The following SLC44A1 variants were observed in gnomAD, a reference collection of about 807,000 sequenced individuals.
The protein encoded by SLC44A1 is choline transporter-like protein 1.
In SLC44A1, 26 loss-of-function variants were observed where a neutral mutation model predicts 79.3. The observed-to-expected ratio is 0.33, with a 90% confidence interval of 0.24 to 0.46. SLC44A1 has a LOEUF of 0.46. Among genes scored for constraint, SLC44A1 ranks in the 20% least tolerant of loss-of-function variants. SLC44A1 has a pLI of 1.00. For missense variants in SLC44A1, 688 were observed against 798.1 expected (o/e 0.86, Z 1.66); for synonymous variants, 263 against 286.2 (o/e 0.92, Z 0.82).
chr9:105,260,832 T>C (rs1184639822), intron 1 of SLC44A1, among the ~76,000 whole-genome samples: 2 of 152,194 alleles, frequency 1.3e-5, no homozygotes, highest in African/African-American at 4.8e-5. Flanking sequence ...GTTACAGTTA[T>C]CACTTAAACT....
In SLC44A1 at chr9:105,335,674, T is replaced by C. The variant is rs771873604; in HGVS notation, c.381T>C (p.Asp127=). The change falls in exon 4 of 16, where the codon GAT becomes GAC. Residue 127 remains aspartate, a synonymous_variant. Coordinates refer to ENST00000374720, the MANE Select transcript of SLC44A1 (RefSeq NM_080546.5). ...GGCAAGAACTGAAAACTCTGAGTGA[T>C]GTTCAGAAGTTTGCAGAGATAAATG... ...CPRQELKTLS[D]VQKFAEINGS... is the part of the protein sequence containing the mutation. The C allele has an allele frequency of 1.9e-6, 3 of 1,613,418 alleles. No individual in the cohort carries two copies. Among genetic ancestry groups the C allele is most frequent in the African/African-American group, 1.3e-5 (1 of 74,922 alleles).
intron 3 of SLC44A1, among the ~76,000 whole-genome samples, chr9:105,316,710 A>G (rs944834930): frequency 2.0e-5 from 3 of 152,222 alleles, no homozygotes; most frequent in Admixed American, 6.5e-5. Flanking sequence ...AGTGTTGTCT[A>G]TTGAAAGCTG....
chr9:105,323,372 A>G lies in SLC44A1; in HGVS notation c.270-12191A>G, dbSNP rs79258989. On this transcript the variant is annotated intron_variant, in intron 3 of 15. Transcript: ENST00000374720. ...AGATTTTTCATGCAACTGGGGATGT[A>G]TCTGTACGAGTAGATCCAGTAGGCA... 4.8e-3 allele frequency among the ~76,000 whole-genome samples: 733 copies of G among 152,324 alleles called. 7 individuals are homozygous for G. Among genetic ancestry groups the G allele is most frequent in the African/African-American group, 0.017 (705 of 41,568 alleles).
In SLC44A1 at chr9:105,395,040, G is replaced by A. The variant is rs1464572834; in HGVS notation, c.*5984G>A. On this transcript the variant is annotated 3_prime_UTR_variant, in exon 16 of 16. Coordinates refer to ENST00000374720, the MANE Select transcript of SLC44A1 (RefSeq NM_080546.5). ...AAAAGCAGGCAGAAACTCATCAAGG[G>A]GTTTGAAGTTCTTGTGAAATTTGAT... The A allele has an allele frequency of 2.7e-5, 27 of 985,268 alleles. No homozygotes were observed. Among genetic ancestry groups the A allele is most frequent in the Non-Finnish European group, 3.3e-5 (27 of 829,960 alleles). 61.0% of individuals were successfully genotyped at this position (985,268 alleles called of 1,614,324 possible). A position where few individuals can be genotyped will look rare whatever the true frequency, so the allele number is the denominator to read the frequency against.
chr9:105,434,468 A>G (rs1829438313), intron 15 of SLC44A1, among the ~76,000 whole-genome samples: 1 of 152,384 alleles, frequency 6.6e-6, no homozygotes, highest in East Asian at 1.9e-4. Context: ...AGACTCTTAG[A>G]AAGTAGGGCA....
chr9:105,436,243 G>C (rs988784123), intron 15 of SLC44A1, among the ~76,000 whole-genome samples: 30 of 152,110 alleles, frequency 2.0e-4, no homozygotes, highest in Non-Finnish European at 1.3e-4. Flanking sequence ...AAAATAGGAG[G>C]AAAGAACTTT....
intron 15 of SLC44A1, among the ~76,000 whole-genome samples, chr9:105,403,417 T>G (rs1362284983): frequency 1.3e-5 from 2 of 152,036 alleles, no homozygotes; most frequent in Non-Finnish European, 1.5e-5. Flanking sequence ...TCCTGATGCT[T>G]TCACTGAAGT....
chr9:105,262,663 C>G (rs1399595952), intron 1 of SLC44A1, among the ~76,000 whole-genome samples: 7 of 152,182 alleles, frequency 4.6e-5, no homozygotes, highest in Admixed American at 2.6e-4. Context: ...TGTGCTCTTG[C>G]CATAGTCCCA....
intron 1 of SLC44A1, among the ~76,000 whole-genome samples, chr9:105,261,898 G>T (rs560360813): frequency 6.7e-6 from 1 of 149,726 alleles, no homozygotes; most frequent in South Asian, 2.1e-4. Context: ...TCCTATCTCA[G>T]CCTCCCAAGT....
chr9:105,387,060 A>AAAAAAAAAAATATATATAT, intron 15 of SLC44A1, among the ~76,000 whole-genome samples: 1 of 7,730 alleles, frequency 1.3e-4, no homozygotes, highest in Non-Finnish European at 2.4e-4. Flanking sequence ...AAAAAAAAAA[A>AAAAAAAAAAATATATATAT]ATATATATAT....
intron 4 of SLC44A1, among the ~76,000 whole-genome samples, chr9:105,341,106 G>C (rs1827073226): frequency 6.6e-6 from 1 of 152,134 alleles, no homozygotes; most frequent in Non-Finnish European, 1.5e-5. Flanking sequence ...TGGCCAAGGT[G>C]GGTGGATCAC....
At chr9:105,332,616 C>T (rs555005149) in intron 3 of SLC44A1, among the ~76,000 whole-genome samples, 2 of 152,310 alleles carry the variant, frequency 1.3e-5, no homozygotes, top group East Asian at 3.9e-4. Context: ...ATTCTTCTCA[C>T]CCTCCTGTTC....
chr9:105,357,599 A>G (rs1365095180), intron 6 of SLC44A1, among the ~76,000 whole-genome samples: 2 of 152,192 alleles, frequency 1.3e-5, no homozygotes, highest in African/African-American at 2.4e-5. Flanking sequence ...GCAAGGGTTA[A>G]ATCTTTCCTT....
Position 105,393,443 on chromosome 9 carries a change from A to G in SLC44A1, c.*4387A>G, listed in dbSNP as rs1007563541. 3 of 984,834 alleles carry G rather than the reference A, an allele frequency of 3.0e-6. No individual in the cohort carries two copies. The allele number at this position is 984,834 out of a possible 1,614,324, so 61.0% of individuals were successfully genotyped here. A position where few individuals can be genotyped will look rare whatever the true frequency, so the allele number is the denominator to read the frequency against. ...TGTACAGTTATGAATTTAGAATAGCACACTTTTTCCATTCAGATTTCATAC... is the reference window on the plus strand; with the variant it reads ...TGTACAGTTATGAATTTAGAATAGCGCACTTTTTCCATTCAGATTTCATAC... On this transcript the variant is annotated 3_prime_UTR_variant, in exon 16 of 16. Coordinates refer to ENST00000374720, the MANE Select transcript of SLC44A1 (RefSeq NM_080546.5).
At chr9:105,403,408 C>T (rs1006286192) in intron 15 of SLC44A1, among the ~76,000 whole-genome samples, 1 of 151,972 alleles carries the variant, frequency 6.6e-6, no homozygotes, top group Non-Finnish European at 1.5e-5. Flanking sequence ...CATGTAATTT[C>T]CTGATGCTTT....
intron 15 of SLC44A1, among the ~76,000 whole-genome samples, chr9:105,416,587 A>G (rs1829174586): frequency 6.6e-6 from 1 of 152,208 alleles, no homozygotes; most frequent in Non-Finnish European, 1.5e-5. Flanking sequence ...CCCAGAAAAG[A>G]GACTGGTGTG....
intron 13 of SLC44A1, among the ~76,000 whole-genome samples, chr9:105,382,823 T>TAA (rs1828512028): frequency 6.6e-6 from 1 of 152,196 alleles, no homozygotes; most frequent in Admixed American, 6.5e-5. Context: ...ACATTTATCT[T>TAA]AAAAATTGCC....
intron 1 of SLC44A1, among the ~76,000 whole-genome samples, chr9:105,259,164 C>T (rs1044431585): frequency 3.9e-5 from 6 of 152,034 alleles, no homozygotes; most frequent in Non-Finnish European, 8.8e-5. Context: ...CCTCCAGGGC[C>T]CTTCCATATT....
Position 105,392,508 on chromosome 9 carries a change from C to T in SLC44A1, c.*3452C>T. 1 of 982,566 alleles carries T rather than the reference C, an allele frequency of 1.0e-6. No homozygotes were observed. The highest frequency in any genetic ancestry group is 4.7e-5 in the South Asian group (1 of 21,224). 60.9% of individuals were successfully genotyped at this position (982,566 alleles called of 1,614,324 possible). ...TGGTATCTGCCAAGGGCTTCCTTGC[C>T]TTCCCTGGGCAGTTTTAGGATTTCA... On this transcript the variant is annotated 3_prime_UTR_variant, in exon 16 of 16. Coordinates refer to ENST00000374720, the MANE Select transcript of SLC44A1 (RefSeq NM_080546.5).
Sources: gnomAD v4.1 joint callset for allele counts (sites outside exome capture counted in the v4.1 genomes callset) on GRCh38, gnomAD v4.1.1 for gene constraint, MANE v1.5 for transcripts, NCBI Gene and HGNC (gene_info 2026-07-23, HGNC 2026-07-21) for gene names.